FMN1: variants seen among roughly 807,000 people sequenced by gnomAD.
FMN1 encodes formin-1.
Under a neutral mutation model 132.4 loss-of-function variants are expected in FMN1, and 110 were observed. The observed-to-expected ratio is 0.83, with a 90% CI of 0.71 to 0.97. FMN1 has a LOEUF of 0.97. FMN1 is among the 50% of genes least tolerant of loss of function. The probability of loss-of-function intolerance (pLI) is 0.00; values close to 1 mark genes in which losing one functional copy is unlikely to be tolerated. For missense variants in FMN1, 1,792 were observed against 1,705.3 expected (o/e 1.05, Z -0.90); for synonymous variants, 722 against 651.7 (o/e 1.11, Z -1.64).
At chr15:32,848,985 T>G (rs978956320) in intron 17 of FMN1, among the ~76,000 whole-genome samples, 2 of 125,420 alleles carry the variant, frequency 1.6e-5, no homozygotes, top group Non-Finnish European at 3.2e-5. Flanking sequence ...TTGTTTTTTT[T>G]TTTTTTTTTT....
At chr15:32,811,784 C>T (rs1360336507) in intron 17 of FMN1, among the ~76,000 whole-genome samples, 1 of 152,052 alleles carries the variant, frequency 6.6e-6, no homozygotes. Context: ...CCTGCCTCAG[C>T]CTTCTGAGTA....
intron 17 of FMN1, among the ~76,000 whole-genome samples, chr15:32,808,901 G>GT (rs35230592): frequency 0.14 from 19,724 of 144,318 alleles, 1,733 homozygotes; most frequent in East Asian, 0.49. Flanking sequence ...AAACTTTAGT[G>GT]TTTTTTTTTT....
At chr15:32,838,917 C>T (rs1451804283) in intron 17 of FMN1, among the ~76,000 whole-genome samples, 1 of 152,156 alleles carries the variant, frequency 6.6e-6, no homozygotes, top group African/African-American at 2.4e-5. Context: ...CGACGATAGT[C>T]CAAAAGATGA....
At chr15:33,015,690 AG>A (rs1471252115) in intron 6 of FMN1, among the ~76,000 whole-genome samples, 4 of 144,820 alleles carry the variant, frequency 2.8e-5, no homozygotes, top group Non-Finnish European at 6.1e-5. Flanking sequence ...TGTATTTTCA[AG>A]TACATATGTG....
At chr15:33,079,461 G>GA (rs1381155529) in intron 5 of FMN1, among the ~76,000 whole-genome samples, 11 of 152,116 alleles carry the variant, frequency 7.2e-5, no homozygotes, top group African/African-American at 2.7e-4. Flanking sequence ...TGTCTCTACT[G>GA]AAAATACAAA....
chr15:33,168,801 G>T (rs1221450617), intron 3 of FMN1, among the ~76,000 whole-genome samples: 1 of 152,124 alleles, frequency 6.6e-6, no homozygotes, highest in Non-Finnish European at 1.5e-5. Flanking sequence ...CTAACTAGCC[G>T]CTATTCCTTG....
intron 9 of FMN1, among the ~76,000 whole-genome samples, chr15:32,926,916 C>G (rs953721332): frequency 2.0e-5 from 3 of 152,090 alleles, no homozygotes; most frequent in Non-Finnish European, 4.4e-5. Flanking sequence ...TTCAGAGTAG[C>G]TGGGATCACA....
chr15:33,020,735 T>C (rs937028099), intron 6 of FMN1, among the ~76,000 whole-genome samples: 1 of 152,142 alleles, frequency 6.6e-6, no homozygotes, highest in Non-Finnish European at 1.5e-5. Flanking sequence ...GCATTGTGTA[T>C]ATAAAAGAAA....
At chr15:33,087,090 A>C (rs2038724632) in intron 5 of FMN1, among the ~76,000 whole-genome samples, 1 of 152,236 alleles carries the variant, frequency 6.6e-6, no homozygotes, top group Non-Finnish European at 1.5e-5. Context: ...TGCTCACCTC[A>C]TCTGTGACAG....
chr15:32,784,789 C>T (rs948798926), intron 19 of FMN1, among the ~76,000 whole-genome samples: 1 of 152,160 alleles, frequency 6.6e-6, no homozygotes, highest in African/African-American at 2.4e-5. Flanking sequence ...TTATTTCCCT[C>T]TCATAAAGGC....
chr15:33,169,733 T>A (rs578124897), intron 3 of FMN1, among the ~76,000 whole-genome samples: 2 of 148,170 alleles, frequency 1.3e-5, no homozygotes, highest in Admixed American at 6.7e-5. Flanking sequence ...CTTTTTTTTT[T>A]CTTTTCCTTT....
rs1567131532 is a variant in FMN1 at position 32,766,466 on chromosome 15, A to G, written c.*7844T>C. On this transcript the variant is annotated 3_prime_UTR_variant, in exon 21 of 21. Transcript: ENST00000616417. ...ACCCGGTCTGATGTACAAATTTATCAAGAGAATGGCCTTAATTAGTTTAAG... is the reference window on the plus strand; with the variant it reads ...ACCCGGTCTGATGTACAAATTTATCGAGAGAATGGCCTTAATTAGTTTAAG... The G allele has an allele frequency of 6.6e-6, 1 of 152,174 alleles. No individual in the cohort carries two copies. Among genetic ancestry groups the G allele is most frequent in the Non-Finnish European group, 1.5e-5 (1 of 68,022 alleles). The allele number at this position is 152,174 out of a possible 1,614,324, so 9.4% of individuals were successfully genotyped here.
chr15:33,174,625 C>T (rs985909165), intron 3 of FMN1, among the ~76,000 whole-genome samples: 1 of 152,192 alleles, frequency 6.6e-6, no homozygotes, highest in Non-Finnish European at 1.5e-5. Context: ...TTCCTTAGCA[C>T]ACATAATTTG....
chr15:32,811,173 T>C, intron 17 of FMN1: 1 of 436,966 alleles, frequency 2.3e-6, no homozygotes, highest in Non-Finnish European at 4.7e-6. Flanking sequence ...TGCAGAGTTC[T>C]TACCCTTACA....
intron 5 of FMN1, among the ~76,000 whole-genome samples, chr15:33,068,394 C>G (rs972203178): frequency 5.9e-5 from 9 of 152,118 alleles, no homozygotes; most frequent in Non-Finnish European, 1.0e-4. Flanking sequence ...CCAGAGCAGC[C>G]TAAGGGAATC....
intron 17 of FMN1, chr15:32,837,025 C>T (rs1366744398): frequency 4.3e-6 from 1 of 230,816 alleles, no homozygotes; most frequent in African/African-American, 2.3e-5. Flanking sequence ...GAGACACAGA[C>T]CATGTACAGG....
At chr15:32,943,644 C>T (rs184723785) in intron 9 of FMN1, among the ~76,000 whole-genome samples, 2 of 152,280 alleles carry the variant, frequency 1.3e-5, no homozygotes, top group African/African-American at 2.4e-5. Context: ...TTCACTTATT[C>T]AAGGGCTACA....
intron 19 of FMN1, among the ~76,000 whole-genome samples, chr15:32,781,952 T>G (rs899887530): frequency 9.2e-5 from 14 of 152,254 alleles, no homozygotes; most frequent in African/African-American, 3.4e-4. Context: ...CTTTGCATCT[T>G]GCTTTTACTG....
At chr15:33,017,138 T>TAAA (rs112219032) in intron 6 of FMN1, among the ~76,000 whole-genome samples, 10,482 of 147,036 alleles carry the variant, frequency 0.071, 480 homozygotes, top group Middle Eastern at 0.14. Flanking sequence ...AAGCATAATT[T>TAAA]AAAAAAAAAA....
Sources: allele counts gnomAD v4.1 joint callset (sites outside exome capture counted in the v4.1 genomes callset), GRCh38; gene constraint gnomAD v4.1.1; transcripts MANE v1.5; gene names NCBI Gene and HGNC (gene_info 2026-07-23, HGNC 2026-07-21).